The following TRIOBP variants were observed in gnomAD, a reference collection of about 807,000 sequenced individuals.
TRIOBP encodes the protein TRIO and F-actin binding protein.
Under a neutral mutation model 238.8 loss-of-function variants are expected in TRIOBP, and 169 were observed. That is an observed-to-expected ratio of 0.71 (90% CI 0.62 to 0.80). TRIOBP has a LOEUF of 0.80. TRIOBP is among the 30% of genes least tolerant of loss of function. TRIOBP has a pLI of 0.00. For missense variants in TRIOBP, 2,838 were observed against 3,122.6 expected, an observed-to-expected ratio of 0.91 and a Z score of 2.17; for synonymous variants, 1,150 against 1,274.4, an observed-to-expected ratio of 0.90 and a Z score of 2.08.
chr22:37,699,518 G>A (rs1195761233), intron 2 of TRIOBP, among the ~76,000 whole-genome samples: 4 of 152,072 alleles, frequency 2.6e-5, no homozygotes, highest in Admixed American at 1.3e-4. Flanking sequence ...CTCAAACTTT[G>A]GGGCGCACTA....
chr22:37,762,374 C>CGTTTTACTCATAGAGCCAGCTTTA (rs1926289252), intron 17 of TRIOBP, among the ~76,000 whole-genome samples: 2 of 152,192 alleles, frequency 1.3e-5, no homozygotes, highest in Non-Finnish European at 2.9e-5. Context: ...CACCTTTGTC[C>CGTTTTACTCATAGAGCCAGCTTTA]GTTTTACTCA....
At chr22:37,761,244 C>T (rs539190627) in intron 17 of TRIOBP, among the ~76,000 whole-genome samples, 8 of 151,766 alleles carry the variant, frequency 5.3e-5, no homozygotes, top group African/African-American at 9.7e-5. Context: ...GTCAAATGTT[C>T]GAGGCCAGTG....
rs1282046920 is a variant in TRIOBP, at chr22:37,725,729, A to G, written c.3173A>G (p.Tyr1058Cys). The G allele has an allele frequency of 3.7e-6, 6 of 1,608,570 alleles. No individual in the cohort carries two copies. Among genetic ancestry groups the G allele is most frequent in the Non-Finnish European group, 3.4e-6 (4 of 1,178,654 alleles). The stretch of plus-strand genomic sequence containing the variant: ...GAACCGCCCCACCACGAGCCTCCCT[A>G]TATACCACCTGCTGTGTGCATTGGA... The part of the protein sequence containing the change: ...ESEPPHHEPP[Y>C]IPPAVCIGHR... Residue 1058 changes from tyrosine (Y) to cysteine (C), a missense_variant, in exon 7 of 24, where the codon TAT (tyrosine) becomes TGT (cysteine). This residue lies in a region of TRIOBP where 2,096 missense variants were observed against 2,137.4 expected (regional missense o/e 0.98). Coordinates refer to ENST00000644935, the MANE Select transcript of TRIOBP (RefSeq NM_001039141.3).
intron 7 of TRIOBP, among the ~76,000 whole-genome samples, chr22:37,727,492 C>A (rs1394214598): frequency 6.6e-6 from 1 of 151,816 alleles, no homozygotes; most frequent in East Asian, 2.0e-4. Flanking sequence ...CACGGTGAAA[C>A]CCCATCTCTA....
rs12158278 is a variant in TRIOBP, at chr22:37,748,307, C to T, written c.5323-3465C>T. The stretch of plus-strand genomic sequence containing the variant: ...CCTCACACCCTCCTCCCCTGGCCCC[C>T]GTGCCCTGAATCAGGGATCCATACA... On this transcript the variant is annotated intron_variant, in intron 11 of 23. Coordinates refer to ENST00000644935, the MANE Select transcript of TRIOBP (RefSeq NM_001039141.3). 6.8e-3 allele frequency among the ~76,000 whole-genome samples: 1,040 copies of T among 152,284 alleles called. 12 individuals are homozygous for T. The highest frequency in any genetic ancestry group is 0.023 in the African/African-American group (968 of 41,540).
At chr22:37,765,303 A>C (rs915002429) in intron 17 of TRIOBP, among the ~76,000 whole-genome samples, 4 of 151,758 alleles carry the variant, frequency 2.6e-5, no homozygotes, top group Admixed American at 1.3e-4. Flanking sequence ...AAAACAAAAA[A>C]ACCACAAAAT....
At chr22:37,712,072 G>T (rs1923278293) in intron 4 of TRIOBP, among the ~76,000 whole-genome samples, 1 of 151,702 alleles carries the variant, frequency 6.6e-6, no homozygotes, top group South Asian at 2.1e-4. Context: ...TAAAGTTGGG[G>T]CTGGGGCAAT....
chr22:37,771,281 C>A (rs186752887), intron 21 of TRIOBP, among the ~76,000 whole-genome samples: 1 of 152,248 alleles, frequency 6.6e-6, no homozygotes, highest in Non-Finnish European at 1.5e-5. Flanking sequence ...AGCACCTAGC[C>A]CTCGGGGTTG....
chr22:37,736,661 CTT>C (rs1385086813), intron 9 of TRIOBP, among the ~76,000 whole-genome samples: 3 of 152,212 alleles, frequency 2.0e-5, no homozygotes, highest in African/African-American at 4.8e-5. Context: ...GAGTTTCGCT[CTT>C]GTTGCCCAGA....
chr22:37,717,365 G>C (rs928085565), intron 6 of TRIOBP, among the ~76,000 whole-genome samples: 1 of 152,210 alleles, frequency 6.6e-6, no homozygotes, highest in South Asian at 2.1e-4. Flanking sequence ...GCATGGAAGA[G>C]GACCCGAGCG....
chr22:37,737,251 G>A (rs534936799), intron 9 of TRIOBP, among the ~76,000 whole-genome samples: 1 of 152,284 alleles, frequency 6.6e-6, no homozygotes, highest in Non-Finnish European at 1.5e-5. Context: ...AGGAGGCTAG[G>A]AGATGGTGGC....
chr22:37,735,366 C>T lies in TRIOBP; in HGVS notation c.5030C>T (p.Thr1677Ile), dbSNP rs202118171. The change falls in exon 9 of 24, where the codon ACT becomes ATT. Residue 1677 changes from threonine to isoleucine, a missense_variant. Thr to Ile is a moderately conservative substitution (Grantham distance 89, BLOSUM62 -1). Coordinates refer to ENST00000644935, the MANE Select transcript of TRIOBP (RefSeq NM_001039141.3). ...IKVTRGPATA[T>I]LAGLEQTGPL... The stretch of plus-strand genomic sequence containing the variant: ...GTGACAAGAGGACCAGCGACCGCAA[C>T]TCTGGCAGGCCTGGAGCAGACGGGC... 1.2e-6 allele frequency: 2 copies of T among 1,612,016 alleles called. No individual in the cohort carries two copies. The highest frequency in any genetic ancestry group is 4.5e-5 in the East Asian group (2 of 44,802).
chr22:37,748,891 T>C (rs1323206792), intron 11 of TRIOBP, among the ~76,000 whole-genome samples: 1 of 152,050 alleles, frequency 6.6e-6, no homozygotes, highest in Non-Finnish European at 1.5e-5. Flanking sequence ...AGCATAGTGT[T>C]TCAGGCCAAG....
Position 37,715,939 on chromosome 22 carries a change from G to C in TRIOBP, c.628+5G>C. 1 of 1,612,242 alleles carries C rather than the reference G, an allele frequency of 6.2e-7. No homozygotes were observed. The highest frequency in any genetic ancestry group is 2.2e-5 in the East Asian group (1 of 44,872). ...CTGCAGGCCAGAAAAAGGAGGGTGAGTCCTTCTGCCAGGTTGGTTCCCATG... is the reference window on the plus strand; with the variant it reads ...CTGCAGGCCAGAAAAAGGAGGGTGACTCCTTCTGCCAGGTTGGTTCCCATG... On this transcript the variant is annotated splice_donor_5th_base_variant and intron_variant, in intron 6 of 23. Transcript: ENST00000644935.
In TRIOBP at chr22:37,725,774, C is replaced by A; in HGVS notation, c.3218C>A (p.Ala1073Glu). The change falls in exon 7 of 24, where the codon GCG (alanine) becomes GAG (glutamate). Residue 1073 changes from alanine to glutamate, a missense_variant. By Grantham distance (107) the Ala-to-Glu change is moderately radical (BLOSUM62 -1). Around this residue, in one of 5 missense-constraint regions of TRIOBP, gnomAD observed 2,096 missense variants for 2,137.4 expected, o/e 0.98. Transcript: ENST00000644935. The stretch of plus-strand genomic sequence containing the variant: ...ATTGGACACCGAGATGCCCCCCGGG[C>A]GTCCTCGCCCCCCCGCCACACCCAA... ...VCIGHRDAPR[A>E]SSPPRHTQFD... 3 of 1,609,100 alleles carry A rather than the reference C, an allele frequency of 1.9e-6. No individual in the cohort carries two copies. The highest frequency in any genetic ancestry group is 2.5e-6 in the Non-Finnish European group (3 of 1,177,936).
At chr22:37,719,986 C>A (rs1923736431) in intron 6 of TRIOBP, among the ~76,000 whole-genome samples, 1 of 92,366 alleles carries the variant, frequency 1.1e-5, no homozygotes, top group Non-Finnish European at 2.1e-5. Flanking sequence ...CTGTTTCACT[C>A]ATCCCCCCCC....
In TRIOBP at chr22:37,738,691, C is replaced by T; in HGVS notation, c.5156C>T (p.Pro1719Leu). 3 of 1,613,906 alleles carry T rather than the reference C, an allele frequency of 1.9e-6. No homozygotes were observed. The South Asian group carries it at 3.3e-5, about 18-fold the overall frequency. Residue 1719 changes from proline (P) to leucine (L), a missense_variant, in exon 10 of 24, where the codon CCC becomes CTC. By Grantham distance (98) the Pro-to-Leu change is moderately conservative. Around this residue, in one of 5 missense-constraint regions of TRIOBP, gnomAD observed 2,096 missense variants for 2,137.4 expected, o/e 0.98. Transcript: ENST00000644935. ...TCAGAACCAAGCAGAGGCCAAGACC[C>T]CCTGACTGACCAGAAGCAGGCAGAC... Reference protein sequence around the residue: ...EESEPSRGQDPLTDQKQADSA... With the variant: ...EESEPSRGQDLLTDQKQADSA...
At chr22:37,702,296 C>T (rs1346797917) in intron 3 of TRIOBP, among the ~76,000 whole-genome samples, 1 of 151,906 alleles carries the variant, frequency 6.6e-6, no homozygotes, top group Non-Finnish European at 1.5e-5. Context: ...TCTCTGCCTC[C>T]TAGGTTCAAG....
Position 37,734,812 on chromosome 22 carries a change from G to A in TRIOBP, c.4476G>A (p.Glu1492=). ...ACAAGGAGAGCTGGGGGCAGCCAGA[G>A]GCCTGGGAGGAGAAGCCCACTCATG... ...REYKESWGQP[E]AWEEKPTHEL... The change falls in exon 9 of 24, where the codon GAG becomes GAA. Residue 1492 remains glutamate, a synonymous_variant. Transcript: ENST00000644935. The A allele has an allele frequency of 6.2e-7, 1 of 1,612,484 alleles. No individual in the cohort carries two copies.
Sources: allele counts gnomAD v4.1 joint callset (sites outside exome capture counted in the v4.1 genomes callset), GRCh38; gene constraint gnomAD v4.1.1; regional missense constraint gnomAD v4.1.1; transcripts MANE v1.5; gene names NCBI Gene and HGNC (gene_info 2026-07-23, HGNC 2026-07-21).